Variants in EPS8 observed in about 807,000 individuals in gnomAD.
EPS8 encodes EGFR pathway substrate 8, signaling adaptor.
A neutral mutation model predicts 103.8 loss-of-function variants in EPS8; 42 were observed. That is an observed-to-expected ratio of 0.40 (90% CI 0.32 to 0.52). The LOEUF (loss-of-function observed/expected upper bound fraction) is 0.52, where lower values mean the gene tolerates loss of function less well. Ranked by LOEUF, EPS8 falls within the 20% of genes least tolerant of loss-of-function variation. EPS8 has a pLI of 0.40. For synonymous variants in EPS8, 344 were observed against 344.6 expected, an observed-to-expected ratio of 1.00 and a Z score of 0.02; for missense variants, 969 against 1,005.1, an observed-to-expected ratio of 0.96 and a Z score of 0.49.
intron 1 of EPS8, among the ~76,000 whole-genome samples, chr12:15,710,338 A>T (rs906146514): frequency 5.3e-5 from 8 of 152,254 alleles, no homozygotes; most frequent in Non-Finnish European, 8.8e-5. Context: ...TCTAAATTAC[A>T]TCTAAATATG....
At chr12:15,678,498 A>T (rs1945947588) in intron 3 of EPS8, among the ~76,000 whole-genome samples, 1 of 152,256 alleles carries the variant, frequency 6.6e-6, no homozygotes, top group South Asian at 2.1e-4. Context: ...TTGTACCTAT[A>T]CACTGCTCAT....
At chr12:15,712,196 T>C (rs1308153081) in intron 1 of EPS8, among the ~76,000 whole-genome samples, 4 of 152,134 alleles carry the variant, frequency 2.6e-5, no homozygotes, top group African/African-American at 9.7e-5. Flanking sequence ...CTTCCATTAA[T>C]TGACTATTTA....
At position 15,776,935 on chromosome 12, in the gene EPS8, T is replaced by A. The variant is rs1947212128; in HGVS notation, c.-22+12226A>T. On this transcript the variant is annotated intron_variant, in intron 1 of 20. Transcript: ENST00000281172. This position sits in a 1 kb window ranked among gnomAD's most constrained non-coding sequence, Gnocchi z 4.2. ...TCAATGCCTTTGAAAACCATAAACATAACACAAAATGTATTTGCTAGCCAT... is the reference window on the plus strand; with the variant it reads ...TCAATGCCTTTGAAAACCATAAACAAAACACAAAATGTATTTGCTAGCCAT... Among the ~76,000 whole-genome samples the A allele has an allele frequency of 6.6e-6, 1 of 152,190 alleles. No homozygotes were observed. Among genetic ancestry groups the A allele is most frequent in the Admixed American group, 6.5e-5 (1 of 15,280 alleles).
chr12:15,705,919 C>T (rs1946380331), intron 1 of EPS8, among the ~76,000 whole-genome samples: 1 of 151,772 alleles, frequency 6.6e-6, no homozygotes, highest in Non-Finnish European at 1.5e-5. Context: ...CTAAAGTTCA[C>T]TAAAGTTTAA....
chr12:15,768,429 CAAAAA>C (rs71042268), intron 1 of EPS8, among the ~76,000 whole-genome samples: 3 of 24,836 alleles, frequency 1.2e-4, no homozygotes, highest in African/African-American at 1.6e-4. Context: ...GACTCCATCT[CAAAAA>C]AAAAAAAAAA....
intron 1 of EPS8, among the ~76,000 whole-genome samples, chr12:15,754,482 G>A (rs1946965117): frequency 6.6e-6 from 1 of 152,150 alleles, no homozygotes; most frequent in Non-Finnish European, 1.5e-5. Flanking sequence ...TTTAGTAGCT[G>A]ATCTGAGGAT....
rs58598084 is a variant in EPS8 at position 15,630,204 on chromosome 12, TCACACACACACA to T, written c.2044+1226_2044+1237del. Among the ~76,000 whole-genome samples, 10 of 148,906 alleles carry T rather than the reference TCACACACACACA, an allele frequency of 6.7e-5. 1 individual carries two copies. The highest frequency in any genetic ancestry group is 2.5e-4 in the African/African-American group (10 of 40,650). Reference sequence around the variant, plus strand: ...CTCTGTCTCTCTATCTCTCTCTCACTCACACACACACACACACACACATACACACACACACTT... The same window carrying T: ...CTCTGTCTCTCTATCTCTCTCTCACTCACACACACATACACACACACACTT... On this transcript the variant is annotated intron_variant, in intron 18 of 20. Coordinates refer to ENST00000281172, the MANE Select transcript of EPS8 (RefSeq NM_004447.6).
chr12:15,662,894 G>T (rs1278358854), intron 8 of EPS8, among the ~76,000 whole-genome samples: 1 of 151,172 alleles, frequency 6.6e-6, no homozygotes, highest in South Asian at 2.1e-4. Context: ...ATACATCATC[G>T]TGACTCATGA....
At chr12:15,654,093 A>G (rs1945464756) in intron 13 of EPS8, 52 bp downstream of exon 13, 1 of 1,521,260 alleles carries the variant, frequency 6.6e-7, no homozygotes, top group Non-Finnish European at 9.1e-7. Context: ...CATTAGATCC[A>G]TGTAATTAAC....
At chr12:15,652,011 T>A (rs2135789244) in intron 13 of EPS8, among the ~76,000 whole-genome samples, 1 of 152,300 alleles carries the variant, frequency 6.6e-6, no homozygotes, top group African/African-American at 2.4e-5. Context: ...ATATTTGTAA[T>A]GTGAGACCTG....
At chr12:15,683,963 T>C (rs1314790389) in intron 1 of EPS8, 1 of 152,162 alleles carries the variant, frequency 6.6e-6, no homozygotes, top group Non-Finnish European at 1.5e-5. Flanking sequence ...GGTGAAAGCA[T>C]GAACAAATAT....
At chr12:15,642,742 A>G (rs1363087248) in intron 15 of EPS8, among the ~76,000 whole-genome samples, 2 of 152,126 alleles carry the variant, frequency 1.3e-5, no homozygotes, top group Non-Finnish European at 2.9e-5. Context: ...AGGTCATCCT[A>G]CCCCTGTAAA....
chr12:15,627,283 C>G (rs1247311656), intron 18 of EPS8, among the ~76,000 whole-genome samples: 1 of 152,212 alleles, frequency 6.6e-6, no homozygotes, highest in Non-Finnish European at 1.5e-5. Context: ...GGATTACAGG[C>G]ATGAGCCACC....
At chr12:15,647,871 C>T (rs1565477974) in intron 14 of EPS8, among the ~76,000 whole-genome samples, 2 of 152,198 alleles carry the variant, frequency 1.3e-5, no homozygotes, top group South Asian at 4.1e-4. Flanking sequence ...GGCAGCAGGA[C>T]TGGTTTCATG....
At position 15,713,334 on chromosome 12, in the gene EPS8, A is replaced by C. The variant is rs1397320134; in HGVS notation, c.-21-30362T>G. On this transcript the variant is annotated intron_variant, in intron 1 of 20. Transcript: ENST00000281172. The surrounding 1 kb of genome is among the most constrained non-coding windows in gnomAD (Gnocchi z 4.8). ...ACTTCCCACTACAGACACTAAGAAA[A>C]GAAGAAAATAAGTGTAACAAAATTA... 6.6e-6 allele frequency: 1 copy of C among 152,196 alleles called. No homozygotes were observed. Among genetic ancestry groups the C allele is most frequent in the Non-Finnish European group, 1.5e-5 (1 of 68,040 alleles). The allele number at this position is 152,196 out of a possible 1,614,324, so 9.4% of individuals were successfully genotyped here.
rs1178906622 is a variant in EPS8, at chr12:15,701,518, G to A, written c.-21-18546C>T. ...CACACAATTACACATATACAGATATGTATTAACATTTCACATCTACATAAT... is the reference window on the plus strand; with the variant it reads ...CACACAATTACACATATACAGATATATATTAACATTTCACATCTACATAAT... On this transcript the variant is annotated intron_variant, in intron 1 of 20. Coordinates refer to ENST00000281172, the MANE Select transcript of EPS8 (RefSeq NM_004447.6). The surrounding 1 kb of genome is among the most constrained non-coding windows in gnomAD (Gnocchi z 5.1). Among the ~76,000 whole-genome samples the A allele has an allele frequency of 2.6e-5, 4 of 152,168 alleles. No homozygotes were observed. The highest frequency in any genetic ancestry group is 5.9e-5 in the Non-Finnish European group (4 of 68,022).
At position 15,762,652 on chromosome 12, in the gene EPS8, C is replaced by T. The variant is rs1411095658; in HGVS notation, c.-22+26509G>A. On this transcript the variant is annotated intron_variant, in intron 1 of 20. Coordinates refer to ENST00000281172, the MANE Select transcript of EPS8 (RefSeq NM_004447.6). The surrounding 1 kb of genome is among the most constrained non-coding windows in gnomAD (Gnocchi z 4.8). ...ATACAGGTGGAACTGGAAGTCATTA[C>T]GTTAAGTGAAATAAGCCAGGCACAG... Among the ~76,000 whole-genome samples, 5 of 152,008 alleles carry T rather than the reference C, an allele frequency of 3.3e-5. No homozygotes were observed. Among genetic ancestry groups the T allele is most frequent in the Admixed American group, 2.0e-4 (3 of 15,260 alleles).
intron 1 of EPS8, among the ~76,000 whole-genome samples, chr12:15,707,554 T>C (rs1389040586): frequency 7.0e-6 from 1 of 143,170 alleles, no homozygotes; most frequent in Non-Finnish European, 1.5e-5. Context: ...CTCACTACCT[T>C]AAAAAAAAAA....
In EPS8 at chr12:15,764,401, T is replaced by C. The variant is rs749300867; in HGVS notation, c.-22+24760A>G. ...AGCTGAATGACAAGTCAAGAGACAATCTGTTCAAGTCCACAAGGTTCCAGG... is the reference window on the plus strand; with the variant it reads ...AGCTGAATGACAAGTCAAGAGACAACCTGTTCAAGTCCACAAGGTTCCAGG... On this transcript the variant is annotated intron_variant, in intron 1 of 20. Transcript: ENST00000281172. The surrounding 1 kb of genome is among the most constrained non-coding windows in gnomAD (Gnocchi z 4.1). 3.9e-5 allele frequency among the ~76,000 whole-genome samples: 6 copies of C among 152,148 alleles called. No individual in the cohort carries two copies. The East Asian group carries it at 7.7e-4, about 20-fold the overall frequency.
Sources: allele counts gnomAD v4.1 joint callset (sites outside exome capture counted in the v4.1 genomes callset), GRCh38; gene constraint gnomAD v4.1.1; non-coding constraint Gnocchi (gnomAD v3.1); transcripts MANE v1.5; gene names NCBI Gene and HGNC (gene_info 2026-07-23, HGNC 2026-07-21).